MUC4: variants seen among roughly 807,000 people sequenced by gnomAD.
MUC4 encodes mucin 4, cell surface associated.
Under a neutral mutation model 257.9 loss-of-function variants are expected in MUC4, and 202 were observed. The ratio of observed to expected loss-of-function variants is 0.78; its 90% confidence interval spans 0.70 to 0.88. The LOEUF (loss-of-function observed/expected upper bound fraction) is 0.88, where lower values mean the gene tolerates loss of function less well. Among genes scored for constraint, MUC4 ranks in the 40% least tolerant of loss-of-function variants. The pLI is 0.00. For missense variants in MUC4, 5,976 were observed against 6,513.7 expected, an observed-to-expected ratio of 0.92 and a Z score of 2.84; for synonymous variants, 2,351 against 2,757.1, an observed-to-expected ratio of 0.85 and a Z score of 4.62.
chr3:195,767,832 TCACCACCAC>T, intron 7 of MUC4, among the ~76,000 whole-genome samples: 1 of 49,294 alleles, frequency 2.0e-5, no homozygotes, highest in Admixed American at 1.8e-4. Context: ...ACCACCACCA[TCACCACCAC>T]CACCATCGCC....
chr3:195,751,097 C>T lies in MUC4; in HGVS notation c.15663G>A (p.Pro5221=), dbSNP rs147529671. The change falls in exon 23 of 25, where the codon CCG becomes CCA. Residue 5221 remains proline (P), a synonymous_variant. Transcript: ENST00000463781. ...SQVERIDSAA[P]ASGSPIQHWM... is the part of the protein sequence containing the mutation. ...AGTGTTGGATGGGGCTTCCCGAGGCCGGTGCTGCAGAATCGCTGTGTGGGA... is the reference window on the plus strand; with the variant it reads ...AGTGTTGGATGGGGCTTCCCGAGGCTGGTGCTGCAGAATCGCTGTGTGGGA... 152 of 1,320,664 alleles carry T rather than the reference C, an allele frequency of 1.2e-4. 1 individual carries two copies. The African/African-American group carries it at 1.3e-3, about 11-fold the overall frequency. The allele number at this position is 1,320,664 out of a possible 1,614,324, so 81.8% of individuals were successfully genotyped here.
chr3:195,810,845 C>T lies in MUC4; in HGVS notation c.82+891G>A, dbSNP rs1560428208. 6.6e-6 allele frequency among the ~76,000 whole-genome samples: 1 copy of T among 151,946 alleles called. No individual in the cohort carries two copies. Among genetic ancestry groups the T allele is most frequent in the African/African-American group, 2.4e-5 (1 of 41,340 alleles). The stretch of plus-strand genomic sequence containing the variant: ...CTTTACATGAGTTTTCTTCCGTCTC[C>T]ATCACCCAGCTTTCCTGGCATCCCC... On this transcript the variant is annotated intron_variant, in intron 1 of 24. Coordinates refer to ENST00000463781, the MANE Select transcript of MUC4 (RefSeq NM_018406.7). This position sits in a 1 kb window ranked among gnomAD's most constrained non-coding sequence, Gnocchi z 4.2.
At position 195,788,724 on chromosome 3, in the gene MUC4, G is replaced by A. The variant is rs1312765449; in HGVS notation, c.2856C>T (p.Thr952=). Residue 952 remains threonine (T), a synonymous_variant, in exon 2 of 25, where the codon ACC becomes ACT. Coordinates refer to ENST00000463781, the MANE Select transcript of MUC4 (RefSeq NM_018406.7). ...ITSTGLTSPQ[T]ETHTLSPSGS... Reference sequence around the variant, plus strand: ...CTGAAGGTGACAGAGTGTGGGTCTCGGTTTGTGGAGATGTAAGCCCAGTGG... The same window carrying A: ...CTGAAGGTGACAGAGTGTGGGTCTCAGTTTGTGGAGATGTAAGCCCAGTGG... 2 of 1,612,734 alleles carry A rather than the reference G, an allele frequency of 1.2e-6. No homozygotes were observed. The highest frequency in any genetic ancestry group is 1.7e-6 in the Non-Finnish European group (2 of 1,179,516).
Position 195,811,809 on chromosome 3 carries a change from C to A in MUC4, c.9G>T (p.Gly3=). Residue 3 remains glycine (G), a synonymous_variant, in exon 1 of 25, where the codon GGG becomes GGT. Transcript: ENST00000463781. ...CCCAGGGGACCCTCCTCCAGCGTGCCCCCTTCATGGCTGCGGCAAAAGTCC... is the reference window on the plus strand; with the variant it reads ...CCCAGGGGACCCTCCTCCAGCGTGCACCCTTCATGGCTGCGGCAAAAGTCC... MK[G]ARWRRVPWVS... 1.2e-6 allele frequency: 2 copies of A among 1,613,850 alleles called. No homozygotes were observed. The highest frequency in any genetic ancestry group is 1.7e-6 in the Non-Finnish European group (2 of 1,179,932).
rs767867174 is a variant in MUC4 at position 195,783,908 on chromosome 3, C to G, written c.7672G>C (p.Ala2558Pro). Reference protein sequence around the residue: ...TSPSSASTGHATSLPVTDTSA... With the variant: ...TSPSSASTGHPTSLPVTDTSA... ...GTGTCGGTGACAGGAAGAGAGGTGG[C>G]GTGACCTGTGGATGCTGAGGAAGGG... The change falls in exon 2 of 25, where the codon GCC becomes CCC. Residue 2558 changes from alanine (A) to proline (P), a missense_variant. Ala to Pro is a conservative substitution (Grantham distance 27). Around this residue, in one of 44 missense-constraint regions of MUC4, gnomAD observed 135 missense variants for 114.7 expected, o/e 1.18. Coordinates refer to ENST00000463781, the MANE Select transcript of MUC4 (RefSeq NM_018406.7). The G allele has an allele frequency of 6.8e-7, 1 of 1,468,162 alleles. No individual in the cohort carries two copies. Among genetic ancestry groups the G allele is most frequent in the Non-Finnish European group, 9.0e-7 (1 of 1,106,454 alleles). 90.9% of individuals were successfully genotyped at this position (1,468,162 alleles called of 1,614,324 possible). A position where few individuals can be genotyped will look rare whatever the true frequency, so the allele number is the denominator to read the frequency against.
In MUC4 at chr3:195,747,359, G is replaced by A; in HGVS notation, c.16056C>T (p.Tyr5352=). ...PRCSCVSFSI[Y]TAWGEHCEHL... ...GCTCACAGTGCTCGCCCCAGGCCGT[G>A]TAGATGGAGAAGGACACACAGCTGG... Residue 5352 remains tyrosine (Y), a synonymous_variant, in exon 25 of 25, where the codon TAC becomes TAT. Transcript: ENST00000463781. 1 of 1,613,964 alleles carries A rather than the reference G, an allele frequency of 6.2e-7. No homozygotes were observed. Among genetic ancestry groups the A allele is most frequent in the Non-Finnish European group, 8.5e-7 (1 of 1,179,844 alleles).
rs940166856 is a variant in MUC4 at position 195,766,578 on chromosome 3, G to A, written c.13618+85C>T. The A allele has an allele frequency of 3.3e-6, 4 of 1,203,060 alleles. No homozygotes were observed. The African/African-American group carries it at 4.5e-5, about 13-fold the overall frequency. 74.5% of individuals were successfully genotyped at this position (1,203,060 alleles called of 1,614,324 possible). A position where few individuals can be genotyped will look rare whatever the true frequency, so the allele number is the denominator to read the frequency against. ...AGGATGGCCGTGATGTTAGGGAGGT[G>A]CCCTCTAGGACTGCGATGGTGTATG... On this transcript the variant is annotated intron_variant, in intron 8 of 24. Coordinates refer to ENST00000463781, the MANE Select transcript of MUC4 (RefSeq NM_018406.7).
chr3:195,754,202 TCCCGGCTCA>T lies in MUC4; in HGVS notation c.15328+2_15328+10del. 1.9e-6 allele frequency: 3 copies of T among 1,607,178 alleles called. No homozygotes were observed. Among genetic ancestry groups the T allele is most frequent in the Non-Finnish European group, 1.7e-6 (2 of 1,175,834 alleles). ...CAGAAGCGCCTGCTCCAGGCCCTGT[TCCCGGCTCA>T]CCCGCACAGTGCCGCCCATCCCCAG... On this transcript the variant is annotated splice_donor_variant and splice_donor_5th_base_variant and intron_variant, in intron 19 of 24. Transcript: ENST00000463781. LOFTEE classifies it high-confidence loss of function.
rs778847441 is a variant in MUC4 at position 195,789,496 on chromosome 3, A to C, written c.2084T>G (p.Phe695Cys). 7 of 1,613,378 alleles carry C rather than the reference A, an allele frequency of 4.3e-6. No homozygotes were observed. The African/African-American group carries it at 9.4e-5, about 22-fold the overall frequency. ...DAPTISAATTFAPAPTGDGHT... is the reference protein window; with the variant it reads ...DAPTISAATTCAPAPTGDGHT... Reference sequence around the variant, plus strand: ...ACCATCCCCGGTGGGAGCTGGGGCAAAGGTTGTTGCTGCACTTATGGTGGG... The same window carrying C: ...ACCATCCCCGGTGGGAGCTGGGGCACAGGTTGTTGCTGCACTTATGGTGGG... The change falls in exon 2 of 25, where the codon TTT becomes TGT. Residue 695 changes from phenylalanine to cysteine, a missense_variant. Physicochemically the swap from Phe to Cys is radical, Grantham distance 205 (BLOSUM62 -2). Around this residue, in one of 44 missense-constraint regions of MUC4, gnomAD observed 1,583 missense variants for 1,257.4 expected, o/e 1.26. Transcript: ENST00000463781.
At chr3:195,767,424 T>TACCATC (rs377256431) in intron 7 of MUC4, among the ~76,000 whole-genome samples, 11 of 69,478 alleles carry the variant, frequency 1.6e-4, no homozygotes, top group East Asian at 5.2e-4. Flanking sequence ...CCACCAACAC[T>TACCATC]ACCATCACCA....
chr3:195,747,952 C>G (rs1230135965), intron 24 of MUC4, among the ~76,000 whole-genome samples: 1 of 152,252 alleles, frequency 6.6e-6, no homozygotes, highest in Non-Finnish European at 1.5e-5. Context: ...GGTGGGCATG[C>G]GCAGTCACAC....
At position 195,784,692 on chromosome 3, in the gene MUC4, T is replaced by G; in HGVS notation, c.6888A>C (p.Ser2296=). The G allele has an allele frequency of 6.9e-7, 1 of 1,448,652 alleles. No homozygotes were observed. 89.7% of individuals were successfully genotyped at this position (1,448,652 alleles called of 1,614,324 possible). A position where few individuals can be genotyped will look rare whatever the true frequency, so the allele number is the denominator to read the frequency against. ...GAGGGGTGGCGTGACCTGTGGATGC[T>G]GAGGAAGGGCTAGTGACAGGAAGAG... ...TTPLPVTSPS[S]ASTGHATPLH... Residue 2296 remains serine (S), a synonymous_variant, in exon 2 of 25, where the codon TCA becomes TCC. Transcript: ENST00000463781.
At position 195,790,195 on chromosome 3, in the gene MUC4, G is replaced by A; in HGVS notation, c.1385C>T (p.Thr462Ile). ...TGAGCTCCTCTCATGAGGCCGTCCT[G>A]TGGTCTCTGCACCTTCACTCTGCTG... Reference protein sequence around the residue: ...HTQQSEGAETTGRPHERSSFS... With the variant: ...HTQQSEGAETIGRPHERSSFS... The change falls in exon 2 of 25, where the codon ACA (threonine) becomes ATA (isoleucine). Residue 462 changes from threonine (T) to isoleucine (I), a missense_variant. Around this residue, in one of 44 missense-constraint regions of MUC4, gnomAD observed 1,583 missense variants for 1,257.4 expected, o/e 1.26. Transcript: ENST00000463781. 1.2e-6 allele frequency: 2 copies of A among 1,614,028 alleles called. No homozygotes were observed. Among genetic ancestry groups the A allele is most frequent in the Non-Finnish European group, 1.7e-6 (2 of 1,179,894 alleles).
rs771933346 is a variant in MUC4, at chr3:195,747,345, T to C, written c.16070A>G (p.Glu5357Gly). 5 of 1,613,930 alleles carry C rather than the reference T, an allele frequency of 3.1e-6. No homozygotes were observed. The African/African-American group carries it at 6.7e-5, about 22-fold the overall frequency. The change falls in exon 25 of 25, where the codon GAG becomes GGG. Residue 5357 changes from glutamate (E) to glycine (G), a missense_variant. By Grantham distance (98) the Glu-to-Gly change is moderately conservative (BLOSUM62 -2). Coordinates refer to ENST00000463781, the MANE Select transcript of MUC4 (RefSeq NM_018406.7). ...VSFSIYTAWG[E>G]HCEHLSMKLD... ...TTTCATGCTCAGGTGCTCACAGTGC[T>C]CGCCCCAGGCCGTGTAGATGGAGAA...
chr3:195,758,571 A>ATTTTTTTTTTTT (rs1553854547), intron 17 of MUC4, among the ~76,000 whole-genome samples: 4 of 34,300 alleles, frequency 1.2e-4, no homozygotes, highest in Admixed American at 2.2e-4. Flanking sequence ...TGATCTTCAA[A>ATTTTTTTTTTTT]TCTTTTTTTT....
chr3:195,783,960 A>T lies in MUC4; in HGVS notation c.7620T>A (p.Arg2540=), dbSNP rs1225390620. 6.6e-7 allele frequency: 1 copy of T among 1,521,968 alleles called. No individual in the cohort carries two copies. The highest frequency in any genetic ancestry group is 1.2e-5 in the South Asian group (1 of 82,958). The allele number at this position is 1,521,968 out of a possible 1,614,324, so 94.3% of individuals were successfully genotyped here. ...TGGTGACATGAAGAGAGGTGGCGTG[A>T]CGTGTGGATAATGAGGAAGCATTGG... ...PVTNASSLST[R]HATSLHVTSP... is the part of the protein sequence containing the mutation. Residue 2540 remains arginine, a synonymous_variant, in exon 2 of 25, where the codon CGT becomes CGA. Coordinates refer to ENST00000463781, the MANE Select transcript of MUC4 (RefSeq NM_018406.7).
Position 195,791,276 on chromosome 3 carries a change from A to G in MUC4, c.304T>C (p.Phe102Leu). The part of the protein sequence containing the change: ...TLTQMMTSTL[F>L]SSPSVHNVME... The stretch of plus-strand genomic sequence containing the variant: ...ACATTGTGTACACTTGGGGAAGAAA[A>G]AAGAGTTGATGTCATCATCTGCGTG... The change falls in exon 2 of 25, where the codon TTT (phenylalanine) becomes CTT (leucine). Residue 102 changes from phenylalanine (F) to leucine (L), a missense_variant. Physicochemically the swap from Phe to Leu is conservative, Grantham distance 22 (BLOSUM62 0). This residue lies in a region of MUC4 where 1,583 missense variants were observed against 1,257.4 expected (regional missense o/e 1.26). Coordinates refer to ENST00000463781, the MANE Select transcript of MUC4 (RefSeq NM_018406.7). 1 of 1,540,310 alleles carries G rather than the reference A, an allele frequency of 6.5e-7. No homozygotes were observed. Among genetic ancestry groups the G allele is most frequent in the African/African-American group, 1.4e-5 (1 of 70,952 alleles).
Position 195,788,020 on chromosome 3 carries a change from A to G in MUC4, c.3560T>C (p.Val1187Ala), listed in dbSNP as rs1732977868. The G allele has an allele frequency of 7.0e-7, 1 of 1,436,516 alleles. No individual in the cohort carries two copies. The highest frequency in any genetic ancestry group is 2.0e-5 in the African/African-American group (1 of 50,676). The allele number at this position is 1,436,516 out of a possible 1,614,324, so 89.0% of individuals were successfully genotyped here. ...VSTGDTTPLP[V>A]TSPSSASTGH... ...TGTGGATGCTGAGGAAGGGCTAGTG[A>G]CAGGAAGAGGCGTGGTGTCACCTGT... The change falls in exon 2 of 25, where the codon GTC (valine) becomes GCC (alanine). Residue 1187 changes from valine to alanine, a missense_variant. Physicochemically the swap from Val to Ala is moderately conservative, Grantham distance 64. Transcript: ENST00000463781.
Position 195,782,992 on chromosome 3 carries a change from G to A in MUC4, c.8588C>T (p.Thr2863Ile). The change falls in exon 2 of 25, where the codon ACC becomes ATC. Residue 2863 changes from threonine (T) to isoleucine (I), a missense_variant. Physicochemically the swap from Thr to Ile is moderately conservative, Grantham distance 89. Coordinates refer to ENST00000463781, the MANE Select transcript of MUC4 (RefSeq NM_018406.7). The part of the protein sequence containing the change: ...DASSVSTGHA[T>I]SLPVTDASSV... ...GGAAGCGTCGGTGACAGGAAGAGAGGTGGCGTGACCTGTGGACACTGAGGA... is the reference window on the plus strand; with the variant it reads ...GGAAGCGTCGGTGACAGGAAGAGAGATGGCGTGACCTGTGGACACTGAGGA... The A allele has an allele frequency of 6.7e-7, 1 of 1,485,920 alleles. No homozygotes were observed. The highest frequency in any genetic ancestry group is 1.2e-5 in the South Asian group (1 of 80,244). 92.0% of individuals were successfully genotyped at this position (1,485,920 alleles called of 1,614,324 possible). A position where few individuals can be genotyped will look rare whatever the true frequency, so the allele number is the denominator to read the frequency against.
Sources: gnomAD v4.1 joint callset for allele counts (sites outside exome capture counted in the v4.1 genomes callset) on GRCh38, gnomAD v4.1.1 for gene constraint, gnomAD v4.1.1 regional missense constraint, Gnocchi (gnomAD v3.1) non-coding constraint, MANE v1.5 for transcripts, NCBI Gene and HGNC (gene_info 2026-07-23, HGNC 2026-07-21) for gene names.